Variants in YBEY observed in about 807,000 individuals in gnomAD.
The protein encoded by YBEY is ybeY metalloendoribonuclease, also known as endoribonuclease YbeY.
YBEY carries 15 observed loss-of-function variants against 13.5 expected under a neutral mutation model. The observed-to-expected ratio is 1.11, with a 90% CI of 0.75 to 1.72. The LOEUF (loss-of-function observed/expected upper bound fraction) is 1.72. Among genes scored for constraint, YBEY ranks in the 40% most tolerant of loss-of-function variants. The pLI, the probability that YBEY is intolerant of heterozygous loss-of-function variation, is 0.00. For missense variants in YBEY, 244 were observed against 208.4 expected (o/e 1.17, Z -1.05); for synonymous variants, 101 against 83.1 (o/e 1.21, Z -1.17).
downstream of YBEY, chr21:46,300,554 C>T: frequency 1.2e-6 from 1 of 854,380 alleles, no homozygotes; most frequent in Non-Finnish European, 1.5e-6. Flanking sequence ...CTGGAATCAC[C>T]TTCAAGAGGC....
At chr21:46,291,921 A>G in intron 3 of YBEY, 1 of 814,560 alleles carries the variant, frequency 1.2e-6, no homozygotes, top group Non-Finnish European at 1.5e-6. Flanking sequence ...AGAGTTTAAC[A>G]CAGAGCTAGC....
At chr21:46,298,007 T>C (rs1488057356), downstream of YBEY, among the ~76,000 whole-genome samples, 1 of 152,192 alleles carries the variant, frequency 6.6e-6, no homozygotes, top group Non-Finnish European at 1.5e-5. Context: ...CTCCTGAGTA[T>C]TGGAATATTC....
chr21:46,303,731 ATATATATATATATATT>A, the YBEY span, among the ~76,000 whole-genome samples: 4 of 28,432 alleles, frequency 1.4e-4, no homozygotes, highest in African/African-American at 3.5e-4. Flanking sequence ...ATATATATAT[ATATATATATATATATT>A]TTTTTTTTTT....
Position 46,294,612 on chromosome 21 carries a change from CA to C in YBEY, c.340-1549del, listed in dbSNP as rs1569102140. On this transcript the variant is annotated intron_variant, in intron 3 of 4. Transcript: ENST00000397701. ...GTTAGCCTGACCCGTGCCCGGGACT[CA>C]GTGGGGACAGCCACGCAAGTTAGAC... Among the ~76,000 whole-genome samples, 268 of 39,946 alleles carry C rather than the reference CA, an allele frequency of 6.7e-3. 19 individuals are homozygous for C. The highest frequency in any genetic ancestry group is 0.033 in the Middle Eastern group (2 of 60). 26.2% of individuals were successfully genotyped at this position (39,946 alleles called of 152,430 possible).
chr21:46,297,705 T>C lies in YBEY; in HGVS notation c.*71T>C. On this transcript the variant is annotated 3_prime_UTR_variant, in exon 5 of 5. Transcript: ENST00000397701. ...GCGGGGAGCCGGGGTCGCACACGAA[T>C]AAATAACGAATGAACGTACGAGGGG... 7.9e-7 allele frequency: 1 copy of C among 1,258,292 alleles called. No individual in the cohort carries two copies. 77.9% of individuals were successfully genotyped at this position (1,258,292 alleles called of 1,614,324 possible).
chr21:46,291,463 G>A lies in YBEY; in HGVS notation c.339+1G>A. 6.2e-7 allele frequency: 1 copy of A among 1,613,534 alleles called. No homozygotes were observed. Among genetic ancestry groups the A allele is most frequent in the African/African-American group, 1.3e-5 (1 of 75,006 alleles). On this transcript the variant is annotated splice_donor_variant, in intron 3 of 4. Transcript: ENST00000397701. LOFTEE classifies it high-confidence loss of function. ...TGAAGATTACAATGACGTCCTGACT[G>A]TAAGCGGGGATGCTGAAATCATATA... is the stretch of plus-strand genomic sequence containing the variant.
At chr21:46,296,343 C>T (rs1227529388) in intron 4 of YBEY, 113 bp downstream of exon 4, 5 of 1,132,798 alleles carry the variant, frequency 4.4e-6, no homozygotes, top group African/African-American at 3.1e-5. Context: ...AACTGGACCT[C>T]AGACCTGCCC....
downstream of YBEY, chr21:46,302,596 G>T: frequency 6.3e-7 from 1 of 1,592,268 alleles, no homozygotes; most frequent in East Asian, 2.3e-5. Flanking sequence ...AGAAGCAGGG[G>T]GACCCTGAAT....
rs1295084167 is a variant in YBEY, at chr21:46,291,394, A to G, written c.271A>G (p.Ile91Val). ...DFPDDYNLGD[I>V]FLGVEYIFHQ... ...TCCAGATGACTACAATTTGGGAGACATTTTCCTAGGAGTGGAGTATATCTT... is the reference window on the plus strand; with the variant it reads ...TCCAGATGACTACAATTTGGGAGACGTTTTCCTAGGAGTGGAGTATATCTT... Residue 91 changes from isoleucine (I) to valine (V), a missense_variant, in exon 3 of 5, where the codon ATT (isoleucine) becomes GTT (valine). Coordinates refer to ENST00000397701, the MANE Select transcript of YBEY (RefSeq NM_001314025.2). 1 of 1,614,086 alleles carries G rather than the reference A, an allele frequency of 6.2e-7. No homozygotes were observed.
chr21:46,310,688 A>G, the YBEY span, among the ~76,000 whole-genome samples: 1 of 151,216 alleles, frequency 6.6e-6, no homozygotes, highest in Non-Finnish European at 1.5e-5. Context: ...GCAGGCCTAC[A>G]GTTCCAGCCA....
At chr21:46,289,449 T>G (rs886074318) in intron 2 of YBEY, among the ~76,000 whole-genome samples, 1 of 133,730 alleles carries the variant, frequency 7.5e-6, no homozygotes, top group African/African-American at 2.6e-5. Flanking sequence ...GGGTTTTGTT[T>G]TTTTTTTTTT....
downstream of YBEY, chr21:46,300,897 A>C: frequency 1.0e-6 from 1 of 961,328 alleles, no homozygotes; most frequent in East Asian, 6.2e-5. Flanking sequence ...AAAGTAACAA[A>C]AAGTAAAGAA....
chr21:46,299,711 C>T (rs556446872), downstream of YBEY, among the ~76,000 whole-genome samples: 6 of 152,014 alleles, frequency 3.9e-5, no homozygotes, highest in African/African-American at 1.4e-4. Context: ...GAGTGTCACC[C>T]AACTTATCAG....
intron 3 of YBEY, among the ~76,000 whole-genome samples, chr21:46,295,749 T>G (rs1432511907): frequency 6.6e-6 from 1 of 152,052 alleles, no homozygotes; most frequent in Non-Finnish European, 1.5e-5. Flanking sequence ...GGACCTGGGG[T>G]GTGGGCTGTG....
chr21:46,297,681 CG>C lies in YBEY; in HGVS notation c.*51del. 1 of 1,272,512 alleles carries C rather than the reference CG, an allele frequency of 7.9e-7. No homozygotes were observed. Among genetic ancestry groups the C allele is most frequent in the Non-Finnish European group, 1.0e-6 (1 of 998,762 alleles). 78.8% of individuals were successfully genotyped at this position (1,272,512 alleles called of 1,614,324 possible). ...CGGGACGCGGGAGGGGTGGAGGCTG[CG>C]GGGAGCCGGGGTCGCACACGAATAA... On this transcript the variant is annotated 3_prime_UTR_variant, in exon 5 of 5. Transcript: ENST00000397701.
chr21:46,297,170 G>C (rs572354282), intron 4 of YBEY, among the ~76,000 whole-genome samples: 2 of 149,002 alleles, frequency 1.3e-5, no homozygotes, highest in South Asian at 4.3e-4. Context: ...GTGGTGGTGG[G>C]CGCCTGTAAT....
At chr21:46,294,605 CGGGA>C (rs2081881793) in intron 3 of YBEY, among the ~76,000 whole-genome samples, 1 of 85,696 alleles carries the variant, frequency 1.2e-5, no homozygotes, top group Admixed American at 1.0e-4. Flanking sequence ...GACCCGTGCC[CGGGA>C]CTCAGTGGGG....
At chr21:46,311,980 C>T in the YBEY span, among the ~76,000 whole-genome samples, 3 of 130,284 alleles carry the variant, frequency 2.3e-5, no homozygotes, top group East Asian at 2.4e-4. Flanking sequence ...CCCACCCATC[C>T]ATCCACCCAT....
chr21:46,296,312 C>A, intron 4 of YBEY, 82 bp downstream of exon 4: 1 of 1,534,650 alleles, frequency 6.5e-7, no homozygotes, highest in Non-Finnish European at 8.9e-7. Context: ...CCCCACCCTC[C>A]ATCTTGACCG....
Sources: gnomAD v4.1 joint callset for allele counts (sites outside exome capture counted in the v4.1 genomes callset) on GRCh38, gnomAD v4.1.1 for gene constraint, MANE v1.5 for transcripts, NCBI Gene and HGNC (gene_info 2026-07-23, HGNC 2026-07-21) for gene names.